XIRP2: variants seen among roughly 807,000 people sequenced by gnomAD.
The protein encoded by XIRP2 is xin actin binding repeat containing 2, also known as xin actin-binding repeat-containing protein 2.
A neutral mutation model predicts 277.0 loss-of-function variants in XIRP2; 236 were observed. The observed-to-expected ratio is 0.85, with a 90% CI of 0.77 to 0.95. XIRP2 has a LOEUF of 0.95. Among genes scored for constraint, XIRP2 ranks in the 40% least tolerant of loss-of-function variants. The pLI, the probability that XIRP2 is intolerant of heterozygous loss-of-function variation, is 0.00. For missense variants in XIRP2, 4,640 were observed against 4,157.5 expected, an observed-to-expected ratio of 1.12 and a Z score of -3.19; for synonymous variants, 1,490 against 1,416.5, an observed-to-expected ratio of 1.05 and a Z score of -1.17.
chr2:167,159,257 C>G (rs376433369), intron 3 of XIRP2, among the ~76,000 whole-genome samples: 1 of 152,168 alleles, frequency 6.6e-6, no homozygotes, highest in East Asian at 1.9e-4. Flanking sequence ...CAGGATCTCT[C>G]TGGAGTCCTC....
At chr2:167,043,779 C>G (rs1308367681) in intron 2 of XIRP2, among the ~76,000 whole-genome samples, 1 of 151,894 alleles carries the variant, frequency 6.6e-6, no homozygotes, top group Non-Finnish European at 1.5e-5. Flanking sequence ...GAACTGGTAC[C>G]AAGTTTACTG....
At chr2:166,932,698 T>G (rs1368005558) in intron 2 of XIRP2, among the ~76,000 whole-genome samples, 2 of 152,200 alleles carry the variant, frequency 1.3e-5, no homozygotes, top group Non-Finnish European at 2.9e-5. Context: ...TAGTTCAATT[T>G]AAACTTTTTG....
At chr2:166,935,055 G>A (rs987856675) in intron 2 of XIRP2, among the ~76,000 whole-genome samples, 1 of 151,772 alleles carries the variant, frequency 6.6e-6, no homozygotes, top group Non-Finnish European at 1.5e-5. Flanking sequence ...CACAATGTGT[G>A]TGTAGATGCT....
chr2:167,154,524 G>A lies in XIRP2; in HGVS notation c.562+18462G>A, dbSNP rs539422030. On this transcript the variant is annotated intron_variant, in intron 3 of 10. Transcript: ENST00000409195. ...ATGGTAACGCCTAGGTTTTCTTCTA[G>A]GGTTTCTATGGTTTTAGGTCTAACA... 2.0e-4 allele frequency among the ~76,000 whole-genome samples: 30 copies of A among 151,320 alleles called. No individual in the cohort carries two copies. In the South Asian group the frequency reaches 5.9e-3, roughly 30 times the overall value.
intron 3 of XIRP2, among the ~76,000 whole-genome samples, chr2:167,147,799 C>T (rs1335561270): frequency 1.3e-5 from 2 of 152,086 alleles, no homozygotes; most frequent in Non-Finnish European, 1.5e-5. Context: ...ACGGCTCTTC[C>T]GAGTTCTGTG....
intron 2 of XIRP2, among the ~76,000 whole-genome samples, chr2:166,925,446 A>G (rs1685153750): frequency 6.6e-6 from 1 of 151,664 alleles, no homozygotes; most frequent in South Asian, 2.1e-4. Flanking sequence ...TTAATTTCTC[A>G]TCTATTATGA....
At chr2:166,893,007 C>CAA (rs1428096906) in intron 1 of XIRP2, among the ~76,000 whole-genome samples, 29 of 149,918 alleles carry the variant, frequency 1.9e-4, no homozygotes, top group African/African-American at 5.9e-4. Context: ...CACACACACA[C>CAA]AACACCACCA....
chr2:167,148,804 A>G (rs944247758), intron 3 of XIRP2, among the ~76,000 whole-genome samples: 3 of 152,204 alleles, frequency 2.0e-5, no homozygotes, highest in Non-Finnish European at 4.4e-5. Context: ...TAACAATAGA[A>G]ATAAAGAATA....
intron 2 of XIRP2, among the ~76,000 whole-genome samples, chr2:166,950,454 T>TA (rs201203056): frequency 3.8e-4 from 58 of 151,094 alleles, no homozygotes; most frequent in African/African-American, 1.2e-3. Flanking sequence ...AGCTCACAGA[T>TA]AAAAAAAAAT....
intron 2 of XIRP2, among the ~76,000 whole-genome samples, chr2:166,912,877 A>AT: frequency 1.3e-5 from 1 of 76,206 alleles, no homozygotes; most frequent in South Asian, 6.3e-4. Context: ...TCCACTCGAG[A>AT]CCGTTTCCCT....
intron 3 of XIRP2, among the ~76,000 whole-genome samples, chr2:167,195,224 C>T (rs1375805281): frequency 6.6e-6 from 1 of 152,192 alleles, no homozygotes; most frequent in Admixed American, 6.6e-5. Flanking sequence ...GAAACAAATA[C>T]ACTTTCTGTT....
rs112143943 is a variant in XIRP2 at position 167,028,963 on chromosome 2, C to G, written c.409-106946C>G. On this transcript the variant is annotated intron_variant, in intron 2 of 10. Transcript: ENST00000409195. ...AGAGTCTCTCAACAGCAGAATTGAT[C>G]AAGCAGAAGAATTAGTGAGCTTAAA... Among the ~76,000 whole-genome samples, 116 of 151,506 alleles carry G rather than the reference C, an allele frequency of 7.7e-4. 1 individual carries two copies. The highest frequency in any genetic ancestry group is 2.8e-3 in the African/African-American group (114 of 41,352).
intron 2 of XIRP2, among the ~76,000 whole-genome samples, chr2:167,008,550 T>C (rs1167429055): frequency 6.6e-6 from 1 of 151,646 alleles, no homozygotes; most frequent in Non-Finnish European, 1.5e-5. Flanking sequence ...TGGAAGGAAA[T>C]AAAGTGGAAG....
intron 2 of XIRP2, among the ~76,000 whole-genome samples, chr2:166,936,155 A>G (rs1011967549): frequency 6.6e-6 from 1 of 152,170 alleles, no homozygotes; most frequent in African/African-American, 2.4e-5. Flanking sequence ...CATTTCTCTG[A>G]TGGCCAGTGA....
chr2:167,010,545 C>T (rs1202537124), intron 2 of XIRP2, among the ~76,000 whole-genome samples: 28 of 152,052 alleles, frequency 1.8e-4, no homozygotes, highest in Admixed American at 2.0e-4. Context: ...ATTGACTTGG[C>T]AATGCGGGCT....
chr2:167,213,222 A>G (rs957320646), intron 4 of XIRP2, among the ~76,000 whole-genome samples: 1 of 152,158 alleles, frequency 6.6e-6, no homozygotes, highest in Non-Finnish European at 1.5e-5. Flanking sequence ...AAAATGCCAG[A>G]TTCATTTTCA....
intron 2 of XIRP2, among the ~76,000 whole-genome samples, chr2:166,913,310 A>C (rs892085867): frequency 0.021 from 2,400 of 114,216 alleles, 1 homozygote; most frequent in Non-Finnish European, 0.026. Flanking sequence ...AATGGTGGGC[A>C]CCCCCCCCCC....
chr2:167,232,725 C>G (rs750654967), intron 5 of XIRP2, among the ~76,000 whole-genome samples: 1 of 151,868 alleles, frequency 6.6e-6, no homozygotes, highest in African/African-American at 2.4e-5. Flanking sequence ...TCACAACAAC[C>G]TTCTGAGATA....
chr2:167,136,694 A>G (rs1025058789), intron 3 of XIRP2, among the ~76,000 whole-genome samples: 1 of 152,232 alleles, frequency 6.6e-6, no homozygotes, highest in Non-Finnish European at 1.5e-5. Context: ...GAAAATACAG[A>G]TCTTATTTAT....
Sources: gnomAD v4.1 joint callset for allele counts (sites outside exome capture counted in the v4.1 genomes callset) on GRCh38, gnomAD v4.1.1 for gene constraint, MANE v1.5 for transcripts, NCBI Gene and HGNC (gene_info 2026-07-23, HGNC 2026-07-21) for gene names.